Variants in PDE1C observed in about 807,000 individuals in gnomAD.
PDE1C encodes the protein phosphodiesterase 1C.
Under a neutral mutation model 93.1 loss-of-function variants are expected in PDE1C, and 62 were observed. The observed-to-expected ratio is 0.67, with a 90% CI of 0.54 to 0.82. The LOEUF is 0.82. Ranked by LOEUF, PDE1C falls within the 40% of genes least tolerant of loss-of-function variation. The pLI is 0.00. For synonymous variants in PDE1C, 325 were observed against 310.1 expected (o/e 1.05, Z -0.50); for missense variants, 742 against 884.6 (o/e 0.84, Z 2.04).
intron 1 of PDE1C, among the ~76,000 whole-genome samples, chr7:32,355,427 T>G (rs867083948): frequency 1.4e-4 from 22 of 152,342 alleles, no homozygotes; most frequent in Middle Eastern, 3.4e-3. Context: ...GGGTTTTGAC[T>G]GAAACCAAAG....
At chr7:32,120,477 T>C (rs1392715559) in intron 3 of PDE1C, among the ~76,000 whole-genome samples, 7 of 152,096 alleles carry the variant, frequency 4.6e-5, no homozygotes, top group African/African-American at 1.7e-4. Context: ...GCATTCCTAC[T>C]GGCATCAGGT....
rs141835316 is a variant in PDE1C at position 32,364,725 on chromosome 7, C to T, written c.310+63097G>A. 3.5e-4 allele frequency among the ~76,000 whole-genome samples: 54 copies of T among 152,344 alleles called. No homozygotes were observed. The East Asian group carries it at 0.01, about 28-fold the overall frequency. Reference sequence around the variant, plus strand: ...GCTAGAGCACAGCACCAACTTGAGACCACAGCCACCTCTGGAGTGTGCCCT... The same window carrying T: ...GCTAGAGCACAGCACCAACTTGAGATCACAGCCACCTCTGGAGTGTGCCCT... On this transcript the variant is annotated intron_variant, in intron 1 of 1. Transcript: ENST00000672256.
chr7:32,067,766 GA>G (rs1263688816), intron 1 of PDE1C, among the ~76,000 whole-genome samples: 9 of 152,162 alleles, frequency 5.9e-5, no homozygotes, highest in African/African-American at 2.2e-4. Context: ...TCATTGTGTT[GA>G]CAGGTCTCAC....
chr7:32,339,736 T>C (rs901154797), intron 1 of PDE1C, among the ~76,000 whole-genome samples: 6 of 152,028 alleles, frequency 3.9e-5, no homozygotes, highest in Admixed American at 2.6e-4. Flanking sequence ...TACAGAACTT[T>C]CCAGCTTGAA....
the PDE1C span, among the ~76,000 whole-genome samples, chr7:31,617,156 GCCATCTTTCAGGAAGA>G: frequency 2.0e-5 from 3 of 152,170 alleles, no homozygotes; most frequent in Non-Finnish European, 4.4e-5. Context: ...TGAAGCATTT[GCCATCTTTCAGGAAGA>G]AAAGCCTGGA....
intron 1 of PDE1C, among the ~76,000 whole-genome samples, chr7:32,337,658 G>T (rs1318217343): frequency 6.6e-6 from 1 of 152,010 alleles, no homozygotes; most frequent in Non-Finnish European, 1.5e-5. Context: ...GATAATTGGG[G>T]ATTGTCCATA....
chr7:32,028,544 C>T (rs1194149138), intron 2 of PDE1C, among the ~76,000 whole-genome samples: 2 of 151,908 alleles, frequency 1.3e-5, no homozygotes, highest in Non-Finnish European at 2.9e-5. Flanking sequence ...ATATCCTTCC[C>T]ATTTCTTTAT....
the PDE1C span, among the ~76,000 whole-genome samples, chr7:31,731,136 T>C: frequency 2.6e-3 from 388 of 151,900 alleles, 18 homozygotes; most frequent in East Asian, 0.068. Flanking sequence ...CCGTGTGACT[T>C]CTGTTGCAGA....
chr7:31,668,381 A>G, the PDE1C span, among the ~76,000 whole-genome samples: 1 of 152,208 alleles, frequency 6.6e-6, no homozygotes, highest in Non-Finnish European at 1.5e-5. Flanking sequence ...GAATGTTCAC[A>G]GAAGCAATAC....
At position 31,947,533 on chromosome 7, in the gene PDE1C, C is replaced by A. The variant is rs919255461; in HGVS notation, c.129-66673G>T. On this transcript the variant is annotated intron_variant, in intron 2 of 17. Coordinates refer to ENST00000396191, the MANE Select transcript of PDE1C (RefSeq NM_001191057.4). ...TTTTTATTTCCAAAGGCTGGCTATG[C>A]CCTTCCAAAGTCAGCCAGGCCTTCC... 6.6e-5 allele frequency among the ~76,000 whole-genome samples: 10 copies of A among 152,334 alleles called. No homozygotes were observed. The South Asian group carries it at 8.3e-4, about 13-fold the overall frequency.
intron 1 of PDE1C, among the ~76,000 whole-genome samples, chr7:32,282,269 G>T (rs1585073676): frequency 6.6e-6 from 1 of 152,100 alleles, no homozygotes; most frequent in East Asian, 1.9e-4. Flanking sequence ...CTGAGGCCAG[G>T]AGTTCGAGAC....
At chr7:32,337,831 T>C (rs1001598071) in intron 1 of PDE1C, among the ~76,000 whole-genome samples, 1 of 152,038 alleles carries the variant, frequency 6.6e-6, no homozygotes, top group African/African-American at 2.4e-5. Context: ...AGGCTAGTCA[T>C]TGAAGTCAAA....
chr7:31,964,970 C>T (rs1809674932), intron 2 of PDE1C, among the ~76,000 whole-genome samples: 1 of 152,108 alleles, frequency 6.6e-6, no homozygotes, highest in Non-Finnish European at 1.5e-5. Context: ...TCACCATCAT[C>T]AAAGACCAAA....
At chr7:31,952,873 T>C (rs1365367428) in intron 2 of PDE1C, among the ~76,000 whole-genome samples, 3 of 152,108 alleles carry the variant, frequency 2.0e-5, no homozygotes, top group African/African-American at 4.8e-5. Context: ...AACAAGACAA[T>C]GCCAACCATC....
chr7:31,973,051 G>A (rs1811177990), intron 2 of PDE1C, among the ~76,000 whole-genome samples: 2 of 151,878 alleles, frequency 1.3e-5, no homozygotes, highest in South Asian at 4.2e-4. Context: ...TCTACCCAGT[G>A]GTACTAGATA....
At chr7:31,916,126 A>G (rs62456031) in intron 2 of PDE1C, among the ~76,000 whole-genome samples, 4,860 of 152,064 alleles carry the variant, frequency 0.032, 339 homozygotes, top group East Asian at 0.31. Flanking sequence ...CAACCTTCCT[A>G]TGTTTGCCAT....
Position 32,131,002 on chromosome 7 carries a change from A to G in PDE1C, c.308+38783T>C, listed in dbSNP as rs1003866481. On this transcript the variant is annotated intron_variant, in intron 3 of 18. Transcript: ENST00000396193. ...TTCATGTTCCCTTTAGGTCCCTTCA[A>G]GTTAAGGAGGTCAGGATAAATCTAT... 3.3e-5 allele frequency among the ~76,000 whole-genome samples: 5 copies of G among 152,014 alleles called. No homozygotes were observed. The South Asian group carries it at 1.0e-3, about 32-fold the overall frequency.
chr7:31,729,453 T>A, the PDE1C span, among the ~76,000 whole-genome samples: 1 of 152,236 alleles, frequency 6.6e-6, no homozygotes, highest in African/African-American at 2.4e-5. Flanking sequence ...ACGTCTTGCA[T>A]TGTGTAAAAC....
chr7:31,907,073 G>C (rs893779864), intron 2 of PDE1C, among the ~76,000 whole-genome samples: 3 of 95,260 alleles, frequency 3.1e-5, no homozygotes, highest in African/African-American at 7.9e-5. Flanking sequence ...TATGTGGGGT[G>C]TGTGTGTGTG....
Sources: allele counts gnomAD v4.1 joint callset (sites outside exome capture counted in the v4.1 genomes callset), GRCh38; gene constraint gnomAD v4.1.1; transcripts MANE v1.5; gene names NCBI Gene and HGNC (gene_info 2026-07-23, HGNC 2026-07-21).